The following MCIDAS variants were observed in gnomAD, a reference collection of about 807,000 sequenced individuals.
The protein encoded by MCIDAS is multiciliate differentiation and DNA synthesis associated cell cycle protein.
MCIDAS carries 23 observed loss-of-function variants against 35.4 expected under a neutral mutation model. The ratio of observed to expected loss-of-function variants is 0.65; its 90% confidence interval spans 0.47 to 0.92. The LOEUF is 0.92. Among genes scored for constraint, MCIDAS ranks in the 40% least tolerant of loss-of-function variants. MCIDAS has a pLI of 0.00. For synonymous variants in MCIDAS, 228 were observed against 235.2 expected, an observed-to-expected ratio of 0.97 and a Z score of 0.28; for missense variants, 480 against 531.8, an observed-to-expected ratio of 0.90 and a Z score of 0.96.
intron 2 of MCIDAS, 79 bp downstream of exon 2, chr5:55,226,756 G>T: frequency 7.1e-7 from 1 of 1,403,336 alleles, no homozygotes. Context: ...CCGGGGGAGA[G>T]AAGCTCCTCC....
At chr5:55,222,853 T>G in intron 4 of MCIDAS, 98 bp downstream of exon 4, 1 of 1,044,038 alleles carries the variant, frequency 9.6e-7, no homozygotes, top group South Asian at 1.4e-5. Context: ...GACAGTTGGC[T>G]GGGTTTACCA....
chr5:55,225,368 G>A (rs535106501), intron 3 of MCIDAS, among the ~76,000 whole-genome samples: 1 of 152,322 alleles, frequency 6.6e-6, no homozygotes, highest in South Asian at 2.1e-4. Flanking sequence ...TCCAATGAGA[G>A]CTGCTTGGGT....
rs541912982 is a variant in MCIDAS at position 55,226,569 on chromosome 5, G to A, written c.309+7C>T. The A allele has an allele frequency of 1.3e-6, 2 of 1,530,632 alleles. No homozygotes were observed. The allele number at this position is 1,530,632 out of a possible 1,614,324, so 94.8% of individuals were successfully genotyped here. ...AAACCACGAGGCTCCACGAGAAGGG[G>A]AGGTACCTGCGAGGCGGCCAGGTCA... is the stretch of plus-strand genomic sequence containing the variant. On this transcript the variant is annotated splice_region_variant and intron_variant, in intron 3 of 6. Transcript: ENST00000513312.
In MCIDAS at chr5:55,222,992, T is replaced by C; in HGVS notation, c.341A>G (p.Asn114Ser). The C allele has an allele frequency of 6.5e-7, 1 of 1,536,150 alleles. No homozygotes were observed. Among genetic ancestry groups the C allele is most frequent in the Non-Finnish European group, 8.7e-7 (1 of 1,146,898 alleles). ...CACCGTGTCTCTGAAATCTTGCAGA[T>C]TGAAGTCTGCTTCCGTTTGGTGGGA... Reference protein sequence around the residue: ...NHSHQTEADFNLQDFRDTVDD... With the variant: ...NHSHQTEADFSLQDFRDTVDD... The change falls in exon 4 of 7, where the codon AAT becomes AGT. Residue 114 changes from asparagine (N) to serine (S), a missense_variant. By Grantham distance (46) the Asn-to-Ser change is conservative. Transcript: ENST00000513312.
chr5:55,221,016 A>C lies in MCIDAS; in HGVS notation c.717T>G (p.Asp239Glu), dbSNP rs1745346689. The C allele has an allele frequency of 6.5e-7, 1 of 1,535,120 alleles. No individual in the cohort carries two copies. Among genetic ancestry groups the C allele is most frequent in the Non-Finnish European group, 8.7e-7 (1 of 1,146,192 alleles). Residue 239 changes from aspartate (D) to glutamate (E), a missense_variant and splice_region_variant, in exon 6 of 7, where the codon GAT (aspartate) becomes GAG (glutamate). Physicochemically the swap from Asp to Glu is conservative, Grantham distance 45. Coordinates refer to ENST00000513312, the MANE Select transcript of MCIDAS (RefSeq NM_001190787.3). The part of the protein sequence containing the change: ...SRTRHLASVL[D>E]KLMITQSRDC... ...TCCCACACGCCCGCGCCCCACTTAC[A>C]TCCAGCACCGAGGCCAGGTGCCGGG... is the stretch of plus-strand genomic sequence containing the variant.
chr5:55,221,065 T>A lies in MCIDAS; in HGVS notation c.668A>T (p.Gln223Leu). The change falls in exon 6 of 7, where the codon CAG becomes CTG. Residue 223 changes from glutamine to leucine, a missense_variant. Physicochemically the swap from Gln to Leu is moderately radical, Grantham distance 113 (BLOSUM62 -2). Coordinates refer to ENST00000513312, the MANE Select transcript of MCIDAS (RefSeq NM_001190787.3). ...EIASLKERNV[Q>L]LKELASRTRH... ...GGTTCGGCTGGCGAGTTCCTTCAGCTGCACGTTCCGCTCCTTGAGCGAGGC... is the reference window on the plus strand; with the variant it reads ...GGTTCGGCTGGCGAGTTCCTTCAGCAGCACGTTCCGCTCCTTGAGCGAGGC... The A allele has an allele frequency of 6.5e-7, 1 of 1,536,134 alleles. No homozygotes were observed. Among genetic ancestry groups the A allele is most frequent in the South Asian group, 1.2e-5 (1 of 84,066 alleles).
At chr5:55,224,501 AG>A (rs950574964) in intron 3 of MCIDAS, among the ~76,000 whole-genome samples, 8 of 152,168 alleles carry the variant, frequency 5.3e-5, no homozygotes, top group Non-Finnish European at 1.2e-4. Flanking sequence ...TATAAGAGAA[AG>A]GAGATGAGAA....
intron 6 of MCIDAS, 86 bp from the exon 7 acceptor site, chr5:55,220,892 C>A: frequency 6.9e-7 from 1 of 1,452,160 alleles, no homozygotes; most frequent in Non-Finnish European, 9.2e-7. Context: ...AGGCGCGCTA[C>A]GCACCACGCA....
rs1264597657 is a variant in MCIDAS at position 55,223,710 on chromosome 5, C to T, written c.310-687G>A. ...GCCAAGGTTTGGCCCCAGCTAACCG[C>T]CCCACCCATGCAACCGAGCGGGAAG... On this transcript the variant is annotated intron_variant, in intron 3 of 6. Coordinates refer to ENST00000513312, the MANE Select transcript of MCIDAS (RefSeq NM_001190787.3). The surrounding 1 kb of genome is among the most constrained non-coding windows in gnomAD (Gnocchi z 4.4). Among the ~76,000 whole-genome samples the T allele has an allele frequency of 6.6e-6, 1 of 152,222 alleles. No individual in the cohort carries two copies. The highest frequency in any genetic ancestry group is 1.9e-4 in the East Asian group (1 of 5,190).
Position 55,220,745 on chromosome 5 carries a change from G to A in MCIDAS, c.779C>T (p.Ala260Val). ...GAAAEPFLLK[A>V]KAKRSLEELV... is the part of the protein sequence containing the mutation. ...CTCCTCCAGGCTCCTTTTGGCCTTC[G>A]CCTTGAGCAGGAAGGGCTCGGCCGC... Residue 260 changes from alanine (A) to valine (V), a missense_variant, in exon 7 of 7, where the codon GCG becomes GTG. Coordinates refer to ENST00000513312, the MANE Select transcript of MCIDAS (RefSeq NM_001190787.3). 2 of 1,535,292 alleles carry A rather than the reference G, an allele frequency of 1.3e-6. No individual in the cohort carries two copies. Among genetic ancestry groups the A allele is most frequent in the Non-Finnish European group, 1.7e-6 (2 of 1,146,230 alleles).
chr5:55,226,568 G>C lies in MCIDAS; in HGVS notation c.309+8C>G. On this transcript the variant is annotated splice_region_variant and intron_variant, in intron 3 of 6. Coordinates refer to ENST00000513312, the MANE Select transcript of MCIDAS (RefSeq NM_001190787.3). ...GAAACCACGAGGCTCCACGAGAAGGGGAGGTACCTGCGAGGCGGCCAGGTC... is the reference window on the plus strand; with the variant it reads ...GAAACCACGAGGCTCCACGAGAAGGCGAGGTACCTGCGAGGCGGCCAGGTC... 1 of 1,530,594 alleles carries C rather than the reference G, an allele frequency of 6.5e-7. No homozygotes were observed. Among genetic ancestry groups the C allele is most frequent in the Non-Finnish European group, 8.7e-7 (1 of 1,144,616 alleles). The allele number at this position is 1,530,594 out of a possible 1,614,324, so 94.8% of individuals were successfully genotyped here. A position where few individuals can be genotyped will look rare whatever the true frequency, so the allele number is the denominator to read the frequency against.
At chr5:55,222,467 C>T in intron 4 of MCIDAS, 68 bp from the exon 5 acceptor site, 1 of 1,254,904 alleles carries the variant, frequency 8.0e-7, no homozygotes, top group South Asian at 1.5e-5. Flanking sequence ...GAGCAAAATG[C>T]CACTCTGGGT....
chr5:55,220,640 A>C lies in MCIDAS; in HGVS notation c.884T>G (p.Leu295Arg), dbSNP rs779960195. Residue 295 changes from leucine (L) to arginine (R), a missense_variant, in exon 7 of 7, where the codon CTT (leucine) becomes CGT (arginine). Coordinates refer to ENST00000513312, the MANE Select transcript of MCIDAS (RefSeq NM_001190787.3). ...REISERCDEA[L>R]QSRDPKRPRL... Reference sequence around the variant, plus strand: ...GGGCCGCTTGGGATCGCGGCTCTGAAGGGCTTCATCGCAGCGCTCGGAAAT... The same window carrying C: ...GGGCCGCTTGGGATCGCGGCTCTGACGGGCTTCATCGCAGCGCTCGGAAAT... 5.9e-6 allele frequency: 9 copies of C among 1,535,992 alleles called. No individual in the cohort carries two copies. The highest frequency in any genetic ancestry group is 4.8e-5 in the South Asian group (4 of 84,066).
chr5:55,227,053 G>T lies in MCIDAS; in HGVS notation c.86C>A (p.Ala29Glu), dbSNP rs1207441843. 6.6e-7 allele frequency: 1 copy of T among 1,519,200 alleles called. No individual in the cohort carries two copies. Among genetic ancestry groups the T allele is most frequent in the Admixed American group, 2.0e-5 (1 of 49,890 alleles). The allele number at this position is 1,519,200 out of a possible 1,614,324, so 94.1% of individuals were successfully genotyped here. ...CGGCTTCCCCGGCTTGCAGAGCAGC[G>T]CCCGGCCCGGCAGTGCCAGCATTCT... ...PNRMLALPGR[A>E]LLCKPGKPER... is the part of the protein sequence containing the mutation. Residue 29 changes from alanine (A) to glutamate (E), a missense_variant, in exon 1 of 7, where the codon GCG (alanine) becomes GAG (glutamate). Coordinates refer to ENST00000513312, the MANE Select transcript of MCIDAS (RefSeq NM_001190787.3).
Position 55,220,130 on chromosome 5 carries a change from T to C in MCIDAS, c.*236A>G, listed in dbSNP as rs935821134. ...TTCAAAGCTGCTAAAAATAAATACTTTTAAAATTGGCTGTGACATATGTGA... is the reference window on the plus strand; with the variant it reads ...TTCAAAGCTGCTAAAAATAAATACTCTTAAAATTGGCTGTGACATATGTGA... On this transcript the variant is annotated 3_prime_UTR_variant, in exon 7 of 7. Transcript: ENST00000513312. The C allele has an allele frequency of 2.2e-6, 1 of 450,788 alleles. No homozygotes were observed. Among genetic ancestry groups the C allele is most frequent in the African/African-American group, 2.0e-5 (1 of 50,590 alleles). 27.9% of individuals were successfully genotyped at this position (450,788 alleles called of 1,614,324 possible).
intron 3 of MCIDAS, among the ~76,000 whole-genome samples, chr5:55,226,160 T>G (rs1745450222): frequency 6.6e-6 from 1 of 152,140 alleles, no homozygotes; most frequent in African/African-American, 2.4e-5. Context: ...ACTCTTCTTA[T>G]ATACCCACGG....
rs1745326654 is a variant in MCIDAS, at chr5:55,220,339, C to A, written c.*27G>T. ...CAGGCACTTCAGTGGAAACACAGGGCAGTGTTTTGGGGGACCACATCACAG... is the reference window on the plus strand; with the variant it reads ...CAGGCACTTCAGTGGAAACACAGGGAAGTGTTTTGGGGGACCACATCACAG... On this transcript the variant is annotated 3_prime_UTR_variant, in exon 7 of 7. Coordinates refer to ENST00000513312, the MANE Select transcript of MCIDAS (RefSeq NM_001190787.3). 6.6e-7 allele frequency: 1 copy of A among 1,513,138 alleles called. No individual in the cohort carries two copies. Among genetic ancestry groups the A allele is most frequent in the Non-Finnish European group, 8.8e-7 (1 of 1,130,886 alleles). The allele number at this position is 1,513,138 out of a possible 1,614,324, so 93.7% of individuals were successfully genotyped here.
intron 3 of MCIDAS, among the ~76,000 whole-genome samples, 167 bp downstream of exon 3, chr5:55,226,409 A>G (rs1035447290): frequency 6.6e-6 from 1 of 152,220 alleles, no homozygotes; most frequent in African/African-American, 2.4e-5. Context: ...GGATGCAAGT[A>G]GAAGTTCTGA....
intron 1 of MCIDAS, 22 bp downstream of exon 1, chr5:55,226,997 C>G: frequency 6.6e-7 from 1 of 1,517,870 alleles, no homozygotes; most frequent in Non-Finnish European, 8.8e-7. Flanking sequence ...AGACCCCGCC[C>G]GGCCCGAATC....
Sources: gnomAD v4.1 joint callset for allele counts (sites outside exome capture counted in the v4.1 genomes callset) on GRCh38, gnomAD v4.1.1 for gene constraint, Gnocchi (gnomAD v3.1) non-coding constraint, MANE v1.5 for transcripts, NCBI Gene and HGNC (gene_info 2026-07-23, HGNC 2026-07-21) for gene names.